Variants in GRM5 observed in about 807,000 individuals in gnomAD.
GRM5 encodes metabotropic glutamate receptor 5.
Under a neutral mutation model 83.1 loss-of-function variants are expected in GRM5, and 19 were observed. That is an observed-to-expected ratio of 0.23 (90% CI 0.16 to 0.34). The LOEUF (loss-of-function observed/expected upper bound fraction) is 0.34, where lower values mean the gene tolerates loss of function less well. Among genes scored for constraint, GRM5 ranks in the 10% least tolerant of loss-of-function variants. GRM5 has a pLI of 1.00. For synonymous variants in GRM5, 675 were observed against 633.6 expected, an observed-to-expected ratio of 1.07 and a Z score of -0.98; for missense variants, 1,160 against 1,588.3, an observed-to-expected ratio of 0.73 and a Z score of 4.58.
chr11:88,567,724 G>A lies in GRM5; in HGVS notation c.1959C>T (p.Leu653=). 6.2e-7 allele frequency: 1 copy of A among 1,614,094 alleles called. No individual in the cohort carries two copies. The highest frequency in any genetic ancestry group is 8.5e-7 in the Non-Finnish European group (1 of 1,179,970). ...GGGCTGAGTAGCTCATGGCTGGGGA[G>A]AGACCAATGCCAATTCTCTGAAGGT... ...YCYLQRIGIG[L]SPAMSYSALV... Residue 653 remains leucine, a synonymous_variant, in exon 8 of 10, where the codon CTC becomes CTT. Transcript: ENST00000305447. The surrounding 1 kb of genome is among the most constrained non-coding windows in gnomAD (Gnocchi z 7.3).
At chr11:88,988,762 G>A (rs1396131473) in intron 2 of GRM5, among the ~76,000 whole-genome samples, 1 of 148,662 alleles carries the variant, frequency 6.7e-6, no homozygotes, top group Non-Finnish European at 1.5e-5. Flanking sequence ...GCCAAACTAA[G>A]CTTCATAAGT....
intron 2 of GRM5, among the ~76,000 whole-genome samples, chr11:88,898,176 C>T (rs914780976): frequency 2.0e-5 from 3 of 151,948 alleles, no homozygotes; most frequent in Non-Finnish European, 4.4e-5. Flanking sequence ...ACATGACCTT[C>T]TCTCTGTGTA....
intron 3 of GRM5, among the ~76,000 whole-genome samples, chr11:88,723,798 T>G (rs1167669656): frequency 6.6e-6 from 1 of 152,118 alleles, no homozygotes; most frequent in Non-Finnish European, 1.5e-5. Context: ...ATGCTTACTC[T>G]TGTAGCATCA....
chr11:88,597,352 C>T lies in GRM5; in HGVS notation c.1395G>A (p.Arg465=), dbSNP rs1273735827. The T allele has an allele frequency of 1.4e-6, 2 of 1,418,660 alleles. No homozygotes were observed. The highest frequency in any genetic ancestry group is 2.0e-6 in the Non-Finnish European group (2 of 1,013,674). 87.9% of individuals were successfully genotyped at this position (1,418,660 alleles called of 1,614,324 possible). ...TTTCCTTGAAATTCATTATTTCATA[C>T]CTTAGGAATAAGAATATGATAATTA... is the stretch of plus-strand genomic sequence containing the variant. ...LFDENGDSPG[R]YEIMNFKEMG... Residue 465 remains arginine (R), a splice_region_variant and synonymous_variant, in exon 6 of 10, where the codon AGG becomes AGA. Coordinates refer to ENST00000305447, the MANE Select transcript of GRM5 (RefSeq NM_001143831.3).
chr11:88,593,665 A>C (rs1217164205), intron 6 of GRM5, among the ~76,000 whole-genome samples: 1 of 142,866 alleles, frequency 7.0e-6, no homozygotes, highest in Non-Finnish European at 1.5e-5. Flanking sequence ...AGACAGAGCA[A>C]GACTCCGTCT....
At chr11:88,742,450 T>C (rs1591481476) in intron 3 of GRM5, among the ~76,000 whole-genome samples, 3 of 151,560 alleles carry the variant, frequency 2.0e-5, no homozygotes, top group Admixed American at 2.0e-4. Context: ...CACTAGGGAG[T>C]GGAGTCAAAT....
intron 8 of GRM5, among the ~76,000 whole-genome samples, chr11:88,553,919 A>C (rs1474878933): frequency 6.6e-6 from 1 of 152,146 alleles, no homozygotes; most frequent in African/African-American, 2.4e-5. Context: ...GCCTAATCCA[A>C]GATAGTCTAC....
intron 3 of GRM5, among the ~76,000 whole-genome samples, chr11:88,717,717 C>G (rs965717873): frequency 2.6e-5 from 4 of 151,632 alleles, no homozygotes; most frequent in African/African-American, 7.3e-5. Context: ...GGGTGTATGA[C>G]ACATATCAAG....
chr11:88,992,093 A>G (rs2135049733), intron 2 of GRM5, among the ~76,000 whole-genome samples: 1 of 152,316 alleles, frequency 6.6e-6, no homozygotes, highest in East Asian at 1.9e-4. Flanking sequence ...AGAATGGGAG[A>G]AAATTTTTGC....
intron 4 of GRM5, among the ~76,000 whole-genome samples, chr11:88,646,729 G>A (rs1186421245): frequency 6.6e-6 from 1 of 151,826 alleles, no homozygotes; most frequent in Non-Finnish European, 1.5e-5. Context: ...ATATATAGAA[G>A]CAACAAAGAC....
intron 2 of GRM5, among the ~76,000 whole-genome samples, chr11:88,854,022 T>C (rs1358288910): frequency 6.9e-6 from 1 of 144,498 alleles, no homozygotes; most frequent in Non-Finnish European, 1.5e-5. Context: ...AGCCAAGTTA[T>C]ATCCATCAAC....
chr11:88,941,625 A>G (rs1391068105), intron 2 of GRM5, among the ~76,000 whole-genome samples: 1 of 151,568 alleles, frequency 6.6e-6, no homozygotes, highest in Non-Finnish European at 1.5e-5. Context: ...GCTTCCTTAC[A>G]AAAAAGAATG....
At chr11:88,940,070 A>G (rs1001304330) in intron 2 of GRM5, among the ~76,000 whole-genome samples, 3 of 151,936 alleles carry the variant, frequency 2.0e-5, no homozygotes, top group African/African-American at 7.2e-5. Flanking sequence ...TTTCTCTCAC[A>G]CCTTAGTGGC....
chr11:88,586,376 G>A (rs1012563709), intron 7 of GRM5, among the ~76,000 whole-genome samples: 2 of 152,182 alleles, frequency 1.3e-5, no homozygotes, highest in Non-Finnish European at 2.9e-5. Context: ...TTATAGGATT[G>A]TGTTGACATA....
intron 2 of GRM5, among the ~76,000 whole-genome samples, chr11:88,877,417 G>A (rs1206642319): frequency 6.6e-6 from 1 of 152,062 alleles, no homozygotes; most frequent in African/African-American, 2.4e-5. Flanking sequence ...TACATTATTG[G>A]TGAGAATATG....
chr11:88,749,303 T>C (rs1483647587), intron 3 of GRM5, among the ~76,000 whole-genome samples: 1 of 152,156 alleles, frequency 6.6e-6, no homozygotes, highest in Non-Finnish European at 1.5e-5. Flanking sequence ...CACTCACAAG[T>C]ATCAATAGCA....
At chr11:88,969,173 T>C (rs1939086821) in intron 2 of GRM5, among the ~76,000 whole-genome samples, 4 of 152,124 alleles carry the variant, frequency 2.6e-5, no homozygotes, top group Non-Finnish European at 5.9e-5. Flanking sequence ...TTCCCATCAA[T>C]TGTGCATTCT....
In GRM5 at chr11:88,844,752, C is replaced by T. The variant is rs151222911; in HGVS notation, c.911+5154G>A. Among the ~76,000 whole-genome samples, 76 of 152,206 alleles carry T rather than the reference C, an allele frequency of 5.0e-4. No individual in the cohort carries two copies. In the East Asian group the frequency reaches 0.014, roughly 29 times the overall value. Reference sequence around the variant, plus strand: ...AACAGGAGTTTGGAAGAAGTGATTCCAACCCTCATGGATGACTTTGAGATG... The same window carrying T: ...AACAGGAGTTTGGAAGAAGTGATTCTAACCCTCATGGATGACTTTGAGATG... On this transcript the variant is annotated intron_variant, in intron 3 of 9. Transcript: ENST00000305447.
At chr11:88,820,297 C>G (rs1305500628) in intron 3 of GRM5, among the ~76,000 whole-genome samples, 1 of 139,212 alleles carries the variant, frequency 7.2e-6, no homozygotes, top group African/African-American at 2.8e-5. Flanking sequence ...ATGGTGTGAA[C>G]CCGGGAGGCA....
Sources: allele counts gnomAD v4.1 joint callset (sites outside exome capture counted in the v4.1 genomes callset), GRCh38; gene constraint gnomAD v4.1.1; non-coding constraint Gnocchi (gnomAD v3.1); transcripts MANE v1.5; gene names NCBI Gene and HGNC (gene_info 2026-07-23, HGNC 2026-07-21).